DERA: variants seen among roughly 807,000 people sequenced by gnomAD.
The protein encoded by DERA is 2-deoxy-D-ribose 5-phosphate aldolase.
DERA carries 15 observed loss-of-function variants against 41.1 expected under a neutral mutation model. That is an observed-to-expected ratio of 0.37 (90% CI 0.24 to 0.56). The LOEUF is 0.56. DERA is among the 20% of genes least tolerant of loss of function. The pLI is 0.81. For synonymous variants in DERA, 139 were observed against 137.4 expected, an observed-to-expected ratio of 1.01 and a Z score of -0.08; for missense variants, 396 against 403.4, an observed-to-expected ratio of 0.98 and a Z score of 0.16.
In DERA at chr12:16,026,295, G is replaced by A. The variant is rs11056755; in HGVS notation, c.638-6247G>A. On this transcript the variant is annotated intron_variant, in intron 6 of 8. Transcript: ENST00000428559. This position sits in a 1 kb window ranked among gnomAD's most constrained non-coding sequence, Gnocchi z 4.4. ...GTAAGATTGGTAAACAGCTAGCTAGGCTAATCAAGAATAAAAGAGAAAAGA... is the reference window on the plus strand; with the variant it reads ...GTAAGATTGGTAAACAGCTAGCTAGACTAATCAAGAATAAAAGAGAAAAGA... 0.13 allele frequency among the ~76,000 whole-genome samples: 19,335 copies of A among 151,006 alleles called. 1,719 individuals are homozygous for A. The highest frequency in any genetic ancestry group is 0.51 in the East Asian group (2,621 of 5,140).
chr12:15,927,174 A>G (rs1410060369), intron 1 of DERA, among the ~76,000 whole-genome samples: 3 of 152,212 alleles, frequency 2.0e-5, no homozygotes, highest in South Asian at 2.1e-4. Context: ...AGATGGTAAT[A>G]CATATAATAA....
At chr12:15,927,675 C>T (rs1380345055) in intron 1 of DERA, among the ~76,000 whole-genome samples, 1 of 152,098 alleles carries the variant, frequency 6.6e-6, no homozygotes, top group Non-Finnish European at 1.5e-5. Flanking sequence ...GAATGGTGAG[C>T]CAGGAATTAG....
At chr12:16,027,457 GA>G (rs1949060896) in intron 6 of DERA, among the ~76,000 whole-genome samples, 2 of 152,212 alleles carry the variant, frequency 1.3e-5, no homozygotes, top group African/African-American at 4.8e-5. Context: ...GCAGTGAGGT[GA>G]TCATTCTGGA....
At position 15,982,442 on chromosome 12, in the gene DERA, T is replaced by C; in HGVS notation, c.637+6T>C. On this transcript the variant is annotated splice_donor_region_variant and intron_variant, in intron 6 of 8. Coordinates refer to ENST00000428559, the MANE Select transcript of DERA (RefSeq NM_015954.4). The surrounding 1 kb of genome is among the most constrained non-coding windows in gnomAD (Gnocchi z 4.0). ...TATGATAGCAATGATGGCAGGTAAG[T>C]GTTTTATGTTCAAATAATGTTTTCT... 6.3e-7 allele frequency: 1 copy of C among 1,598,174 alleles called. No homozygotes were observed. Among genetic ancestry groups the C allele is most frequent in the Admixed American group, 1.8e-5 (1 of 55,316 alleles).
chr12:16,016,236 CT>C (rs1230127188), intron 6 of DERA, among the ~76,000 whole-genome samples: 1 of 152,134 alleles, frequency 6.6e-6, no homozygotes, highest in Non-Finnish European at 1.5e-5. Flanking sequence ...AAATCAGAGC[CT>C]TTGTTTTAAT....
chr12:15,943,740 T>TA lies in DERA; in HGVS notation c.32-13196_32-13195insA, dbSNP rs71051275. 1.1e-4 allele frequency among the ~76,000 whole-genome samples: 17 copies of TA among 150,794 alleles called. No individual in the cohort carries two copies. Among genetic ancestry groups the TA allele is most frequent in the African/African-American group, 2.7e-4 (11 of 40,834 alleles). On this transcript the variant is annotated intron_variant, in intron 1 of 8. Transcript: ENST00000428559. This position sits in a 1 kb window ranked among gnomAD's most constrained non-coding sequence, Gnocchi z 4.5. ...TTATTTATTTATTTATTTATTTATT[T>TA]TATTATACTTTAAGTTCTAGGATAC... is the stretch of plus-strand genomic sequence containing the variant.
rs1948869673 is a variant in DERA, at chr12:16,000,783, A to C, written c.637+18347A>C. Among the ~76,000 whole-genome samples, 1 of 152,238 alleles carries C rather than the reference A, an allele frequency of 6.6e-6. No individual in the cohort carries two copies. ...AAATATTCCTGTTTATTTTTTAATA[A>C]AAAGAAAAAGCATATATGTTACCTC... On this transcript the variant is annotated intron_variant, in intron 6 of 8. Coordinates refer to ENST00000428559, the MANE Select transcript of DERA (RefSeq NM_015954.4). The surrounding 1 kb of genome is among the most constrained non-coding windows in gnomAD (Gnocchi z 4.8).
In DERA at chr12:16,008,728, C is replaced by T. The variant is rs1413445488; in HGVS notation, c.638-23814C>T. On this transcript the variant is annotated intron_variant, in intron 6 of 8. Coordinates refer to ENST00000428559, the MANE Select transcript of DERA (RefSeq NM_015954.4). This position sits in a 1 kb window ranked among gnomAD's most constrained non-coding sequence, Gnocchi z 4.8. ...ATCATTAGTGTCAGGATTGGGGCCG[C>T]TCTTGGCATTTCTCTCGTGGTTACA... Among the ~76,000 whole-genome samples, 1 of 152,178 alleles carries T rather than the reference C, an allele frequency of 6.6e-6. No homozygotes were observed. The highest frequency in any genetic ancestry group is 1.5e-5 in the Non-Finnish European group (1 of 68,038).
chr12:15,927,271 G>A (rs149951979), intron 1 of DERA, among the ~76,000 whole-genome samples: 3 of 152,224 alleles, frequency 2.0e-5, no homozygotes, highest in African/African-American at 7.2e-5. Flanking sequence ...ATTTTATTCC[G>A]ATTTTTATCC....
In DERA at chr12:15,958,273, G is replaced by A. The variant is rs375119472; in HGVS notation, c.215G>A (p.Cys72Tyr). ...DDTSSNIQRL[C>Y]YKAKYPIRED... ...ACATCTTCCAACATTCAAAGGCTCT[G>A]TTATAAAGCCAAATACCCAATCCGG... The change falls in exon 3 of 9, where the codon TGT becomes TAT. Residue 72 changes from cysteine (C) to tyrosine (Y), a missense_variant. Physicochemically the swap from Cys to Tyr is radical, Grantham distance 194 (BLOSUM62 -2). Transcript: ENST00000428559. 1.8e-4 allele frequency: 281 copies of A among 1,600,328 alleles called. No homozygotes were observed. The highest frequency in any genetic ancestry group is 2.1e-4 in the Non-Finnish European group (245 of 1,172,968).
Position 15,972,777 on chromosome 12 carries a change from G to A in DERA, c.509-9531G>A, listed in dbSNP as rs968667827. Among the ~76,000 whole-genome samples the A allele has an allele frequency of 3.3e-5, 5 of 152,168 alleles. No homozygotes were observed. Among genetic ancestry groups the A allele is most frequent in the South Asian group, 2.1e-4 (1 of 4,828 alleles). ...ACAACTCTCAGGAGAAGGGATCTGCGTTCAGGGATCAGTGGGAGTGGTGCG... is the reference window on the plus strand; with the variant it reads ...ACAACTCTCAGGAGAAGGGATCTGCATTCAGGGATCAGTGGGAGTGGTGCG... On this transcript the variant is annotated intron_variant, in intron 5 of 8. Coordinates refer to ENST00000428559, the MANE Select transcript of DERA (RefSeq NM_015954.4). This position sits in a 1 kb window ranked among gnomAD's most constrained non-coding sequence, Gnocchi z 4.4.
At chr12:15,980,820 T>C (rs1006586988) in intron 5 of DERA, among the ~76,000 whole-genome samples, 3 of 152,220 alleles carry the variant, frequency 2.0e-5, no homozygotes, top group East Asian at 3.8e-4. Flanking sequence ...TGCTTTCATT[T>C]CTCTTCATTT....
Position 16,010,467 on chromosome 12 carries a change from G to A in DERA, c.638-22075G>A, listed in dbSNP as rs537869717. Among the ~76,000 whole-genome samples, 12 of 151,274 alleles carry A rather than the reference G, an allele frequency of 7.9e-5. No homozygotes were observed. The highest frequency in any genetic ancestry group is 1.5e-4 in the Non-Finnish European group (10 of 67,950). On this transcript the variant is annotated intron_variant, in intron 6 of 8. Coordinates refer to ENST00000428559, the MANE Select transcript of DERA (RefSeq NM_015954.4). The surrounding 1 kb of genome is among the most constrained non-coding windows in gnomAD (Gnocchi z 5.5). Reference sequence around the variant, plus strand: ...CCTTTACCCATAGATGAGGTTTTCCGAGTTCTGCTGCTTTCCCCTTTGCCA... The same window carrying A: ...CCTTTACCCATAGATGAGGTTTTCCAAGTTCTGCTGCTTTCCCCTTTGCCA...
rs890653965 is a variant in DERA, at chr12:15,959,067, A to C, written c.277+732A>C. Reference sequence around the variant, plus strand: ...CGAGTGCCTATCTGCTGTGAGTGCAACTGGAGACGTTGAATTGGCCCAATG... The same window carrying C: ...CGAGTGCCTATCTGCTGTGAGTGCACCTGGAGACGTTGAATTGGCCCAATG... On this transcript the variant is annotated intron_variant, in intron 3 of 8. Coordinates refer to ENST00000428559, the MANE Select transcript of DERA (RefSeq NM_015954.4). This position sits in a 1 kb window ranked among gnomAD's most constrained non-coding sequence, Gnocchi z 4.5. 2.0e-5 allele frequency among the ~76,000 whole-genome samples: 3 copies of C among 152,052 alleles called. No homozygotes were observed. Among genetic ancestry groups the C allele is most frequent in the Non-Finnish European group, 4.4e-5 (3 of 67,990 alleles).
At chr12:15,973,007 C>T (rs924674327) in intron 5 of DERA, among the ~76,000 whole-genome samples, 2 of 152,142 alleles carry the variant, frequency 1.3e-5, no homozygotes. Flanking sequence ...CTGATGCACA[C>T]AGGCCTTTCT....
intron 4 of DERA, among the ~76,000 whole-genome samples, chr12:15,960,207 T>TACAC (rs537447371): frequency 3.4e-5 from 5 of 145,550 alleles, no homozygotes; most frequent in African/African-American, 1.0e-4. Context: ...TATATATATA[T>TACAC]ACACACACAC....
At position 15,990,576 on chromosome 12, in the gene DERA, G is replaced by A. The variant is rs973143254; in HGVS notation, c.637+8140G>A. On this transcript the variant is annotated intron_variant, in intron 6 of 8. Coordinates refer to ENST00000428559, the MANE Select transcript of DERA (RefSeq NM_015954.4). The surrounding 1 kb of genome is among the most constrained non-coding windows in gnomAD (Gnocchi z 4.3). ...ATGTTAATCTGAGTATCCATTTGTC[G>A]TTTTTTCTGATCCTCTTCCTCCTTC... 7.2e-5 allele frequency among the ~76,000 whole-genome samples: 11 copies of A among 152,020 alleles called. No homozygotes were observed. The highest frequency in any genetic ancestry group is 1.9e-4 in the East Asian group (1 of 5,196).
chr12:15,914,855 A>C (rs1441219757), intron 1 of DERA, among the ~76,000 whole-genome samples: 1 of 152,164 alleles, frequency 6.6e-6, no homozygotes, highest in Non-Finnish European at 1.5e-5. Flanking sequence ...GGCTCACTGC[A>C]ACCTCCGTCT....
At chr12:16,032,777 A>C (rs1002903826) in intron 7 of DERA, 123 bp downstream of exon 7, 2 of 674,714 alleles carry the variant, frequency 3.0e-6, no homozygotes, top group Admixed American at 5.9e-5. Context: ...ATTAAGATAA[A>C]TGTTTAATTT....
Sources: gnomAD v4.1 joint callset for allele counts (sites outside exome capture counted in the v4.1 genomes callset) on GRCh38, gnomAD v4.1.1 for gene constraint, Gnocchi (gnomAD v3.1) non-coding constraint, MANE v1.5 for transcripts, NCBI Gene and HGNC (gene_info 2026-07-23, HGNC 2026-07-21) for gene names.